The following RYR3 variants were observed in gnomAD, a reference collection of about 807,000 sequenced individuals.
RYR3 encodes the protein brain ryanodine receptor-calcium release channel.
In RYR3, 207 loss-of-function variants were observed where a neutral mutation model predicts 584.3. That is an observed-to-expected ratio of 0.35 (90% confidence interval 0.32 to 0.40). The LOEUF (loss-of-function observed/expected upper bound fraction) is 0.40, where lower values mean the gene tolerates loss of function less well. Among genes scored for constraint, RYR3 ranks in the 10% least tolerant of loss-of-function variants. RYR3 has a pLI of 1.00. For synonymous variants in RYR3, 2,416 were observed against 2,248.5 expected (o/e 1.07, Z -2.11); for missense variants, 5,616 against 6,089.2 (o/e 0.92, Z 2.59).
At chr15:33,371,374 AAG>A (rs1244103142) in intron 1 of RYR3, among the ~76,000 whole-genome samples, 2 of 152,176 alleles carry the variant, frequency 1.3e-5, no homozygotes, top group East Asian at 3.9e-4. Context: ...AGGAGGGAAA[AAG>A]ATGCATTTTC....
chr15:33,807,725 C>A, intron 70 of RYR3, 156 bp downstream of exon 70: 1 of 751,848 alleles, frequency 1.3e-6, no homozygotes, highest in South Asian at 1.7e-5. Context: ...AACTGCCTGT[C>A]AAAGAGTGAA....
Position 33,838,707 on chromosome 15 carries a change from A to G in RYR3, c.12727A>G (p.Ile4243Val), listed in dbSNP as rs2078183844. Residue 4243 changes from isoleucine to valine, a missense_variant, in exon 89 of 104, where the codon ATC becomes GTC. Physicochemically the swap from Ile to Val is conservative, Grantham distance 29. Around this residue, in one of 9 missense-constraint regions of RYR3, gnomAD observed 918 missense variants for 887.4 expected, o/e 1.03. Coordinates refer to ENST00000634891, the MANE Select transcript of RYR3 (RefSeq NM_001036.6). ...GDMPDPTQFG[I>V]HDDTMEAERA... is the part of the protein sequence containing the mutation. The stretch of plus-strand genomic sequence containing the variant: ...CATGCCTGACCCAACCCAATTTGGT[A>G]TCCATGATGACACTATGGAGGCTGA... 1 of 1,613,846 alleles carries G rather than the reference A, an allele frequency of 6.2e-7. No homozygotes were observed.
intron 87 of RYR3, 104 bp downstream of exon 87, chr15:33,835,176 A>G (rs1596904173): frequency 1.1e-6 from 1 of 870,082 alleles, no homozygotes; most frequent in Non-Finnish European, 1.8e-6. Flanking sequence ...CAAAGGCTGG[A>G]CAAGCCATGC....
chr15:33,417,253 G>C (rs2043883353), intron 1 of RYR3, among the ~76,000 whole-genome samples: 2 of 152,086 alleles, frequency 1.3e-5, no homozygotes, highest in African/African-American at 2.4e-5. Flanking sequence ...GATAGGAATA[G>C]CACTTAATTT....
Position 33,865,733 on chromosome 15 carries a change from A to C in RYR3, c.*507A>C, listed in dbSNP as rs948195480. ...AGCTTTAAGCAGTTAAAGAAACAGA[A>C]AAAAACCGACACTTTGTCGACACTG... On this transcript the variant is annotated 3_prime_UTR_variant, in exon 104 of 104. Coordinates refer to ENST00000634891, the MANE Select transcript of RYR3 (RefSeq NM_001036.6). 4 of 153,584 alleles carry C rather than the reference A, an allele frequency of 2.6e-5. No individual in the cohort carries two copies. The highest frequency in any genetic ancestry group is 7.2e-5 in the African/African-American group (3 of 41,470). The allele number at this position is 153,584 out of a possible 1,614,324, so 9.5% of individuals were successfully genotyped here. A position where few individuals can be genotyped will look rare whatever the true frequency, so the allele number is the denominator to read the frequency against.
At chr15:33,861,230 CA>C (rs1354122829) in intron 102 of RYR3, 52 bp downstream of exon 102, 1 of 1,307,352 alleles carries the variant, frequency 7.6e-7, no homozygotes, top group African/African-American at 1.5e-5. Flanking sequence ...TAAATAAAGC[CA>C]ATTAGGTCAT....
chr15:33,734,401 T>C (rs903644817), intron 48 of RYR3, among the ~76,000 whole-genome samples: 3 of 152,232 alleles, frequency 2.0e-5, no homozygotes, highest in Admixed American at 6.5e-5. Flanking sequence ...TATGAGCCTC[T>C]ATTTTCTTAA....
At chr15:33,378,220 G>A (rs115476454) in intron 1 of RYR3, among the ~76,000 whole-genome samples, 282 of 152,332 alleles carry the variant, frequency 1.9e-3, no homozygotes, top group African/African-American at 6.0e-3. Context: ...ATCTGGGGGA[G>A]CCAGTCCAGC....
chr15:33,432,230 G>T (rs1296551845), intron 1 of RYR3, among the ~76,000 whole-genome samples: 2 of 152,178 alleles, frequency 1.3e-5, no homozygotes, highest in Non-Finnish European at 2.9e-5. Context: ...CATAGGTGCT[G>T]ATGTAAAAAG....
chr15:33,363,124 A>T (rs1975002156), intron 1 of RYR3, among the ~76,000 whole-genome samples: 2 of 152,212 alleles, frequency 1.3e-5, no homozygotes, highest in African/African-American at 4.8e-5. Flanking sequence ...GAACACTGCA[A>T]GGGTGCCATG....
chr15:33,484,674 A>G (rs996070705), intron 2 of RYR3, among the ~76,000 whole-genome samples: 1 of 152,210 alleles, frequency 6.6e-6, no homozygotes, highest in Non-Finnish European at 1.5e-5. Context: ...AGGAGGAGTC[A>G]AGTATGATGC....
intron 48 of RYR3, among the ~76,000 whole-genome samples, chr15:33,734,899 C>T (rs2069302695): frequency 6.6e-6 from 1 of 151,960 alleles, no homozygotes; most frequent in African/African-American, 2.4e-5. Flanking sequence ...CCATGTTAGC[C>T]AGGCTGGTCT....
At chr15:33,458,643 A>T (rs187787725) in intron 1 of RYR3, among the ~76,000 whole-genome samples, 1 of 152,292 alleles carries the variant, frequency 6.6e-6, no homozygotes, top group Admixed American at 6.5e-5. Flanking sequence ...AGAAGTCTGT[A>T]AGGTGTTTAG....
At chr15:33,389,115 A>G (rs1387546398) in intron 1 of RYR3, among the ~76,000 whole-genome samples, 1 of 150,388 alleles carries the variant, frequency 6.6e-6, no homozygotes, top group Admixed American at 6.6e-5. Context: ...ATTAGGAGAT[A>G]TACCTAATAT....
At chr15:33,490,173 G>A (rs989281540) in intron 2 of RYR3, among the ~76,000 whole-genome samples, 1 of 152,176 alleles carries the variant, frequency 6.6e-6, no homozygotes, top group Non-Finnish European at 1.5e-5. Context: ...GGATTTTGCT[G>A]CTTTCTCTAT....
chr15:33,315,758 C>T (rs1351379523), intron 1 of RYR3, among the ~76,000 whole-genome samples: 1 of 152,232 alleles, frequency 6.6e-6, no homozygotes, highest in Non-Finnish European at 1.5e-5. Context: ...AGAAAGGCCG[C>T]ATCAGCAGTA....
intron 102 of RYR3, among the ~76,000 whole-genome samples, chr15:33,862,637 G>A (rs1392118937): frequency 6.6e-6 from 1 of 152,066 alleles, no homozygotes; most frequent in Non-Finnish European, 1.5e-5. Flanking sequence ...TATTTATTGA[G>A]ACAGTCTCTG....
intron 1 of RYR3, among the ~76,000 whole-genome samples, chr15:33,357,263 A>G (rs2676032): frequency 0.01 from 1,579 of 152,328 alleles, 25 homozygotes; most frequent in African/African-American, 0.037. Context: ...ATGGATCAAG[A>G]AAGATTTTCT....
intron 38 of RYR3, among the ~76,000 whole-genome samples, chr15:33,676,321 A>G (rs938557686): frequency 3.9e-5 from 6 of 151,920 alleles, no homozygotes; most frequent in Non-Finnish European, 5.9e-5. Context: ...CCTTGATTTC[A>G]GTCTAGATCT....
Sources: allele counts gnomAD v4.1 joint callset (sites outside exome capture counted in the v4.1 genomes callset), GRCh38; gene constraint gnomAD v4.1.1; regional missense constraint gnomAD v4.1.1; transcripts MANE v1.5; gene names NCBI Gene and HGNC (gene_info 2026-07-23, HGNC 2026-07-21).